The following PLCB4 variants were observed in gnomAD, a reference collection of about 807,000 sequenced individuals.
PLCB4 encodes the protein phospholipase C beta 4.
In PLCB4, 77 loss-of-function variants were observed where a neutral mutation model predicts 178.8. That is an observed-to-expected ratio of 0.43 (90% CI 0.36 to 0.52). The LOEUF (loss-of-function observed/expected upper bound fraction) is 0.52, where lower values mean the gene tolerates loss of function less well. PLCB4 is among the 20% of genes least tolerant of loss of function. The pLI is 0.00. For missense variants in PLCB4, 1,024 were observed against 1,453.4 expected (o/e 0.70, Z 4.80); for synonymous variants, 496 against 490.8 (o/e 1.01, Z -0.14).
At chr20:9,220,423 G>A (rs2093783871) in intron 3 of PLCB4, among the ~76,000 whole-genome samples, 1 of 152,174 alleles carries the variant, frequency 6.6e-6, no homozygotes, top group Non-Finnish European at 1.5e-5. Context: ...CCTGAAGTCA[G>A]GAGTTCAAGA....
intron 28 of PLCB4, among the ~76,000 whole-genome samples, chr20:9,431,468 A>AT (rs976395730): frequency 2.0e-5 from 3 of 151,728 alleles, no homozygotes; most frequent in African/African-American, 4.8e-5. Flanking sequence ...TTTAATTTTT[A>AT]TTTTTTATTC....
chr20:9,281,122 A>AC (rs2094491684), intron 3 of PLCB4, among the ~76,000 whole-genome samples: 1 of 151,974 alleles, frequency 6.6e-6, no homozygotes, highest in Admixed American at 6.6e-5. Context: ...TTAACAGTTA[A>AC]GTATACTAAC....
chr20:9,304,809 T>G (rs1478604710), intron 3 of PLCB4, among the ~76,000 whole-genome samples: 3 of 152,132 alleles, frequency 2.0e-5, no homozygotes, highest in African/African-American at 7.2e-5. Context: ...TTTTCTTTTT[T>G]TCTTAGCACG....
intron 7 of PLCB4, among the ~76,000 whole-genome samples, chr20:9,361,499 G>A (rs1419864042): frequency 6.6e-6 from 1 of 152,176 alleles, no homozygotes; most frequent in Non-Finnish European, 1.5e-5. Flanking sequence ...GAGATGGGGA[G>A]TTATTTAATG....
At chr20:9,218,798 CT>C (rs2093763365) in intron 3 of PLCB4, among the ~76,000 whole-genome samples, 1 of 152,134 alleles carries the variant, frequency 6.6e-6, no homozygotes, top group Non-Finnish European at 1.5e-5. Flanking sequence ...AGTGCGCTAT[CT>C]TTTACTACTC....
chr20:9,278,559 G>A (rs1218991064), intron 3 of PLCB4, among the ~76,000 whole-genome samples: 1 of 151,988 alleles, frequency 6.6e-6, no homozygotes, highest in Non-Finnish European at 1.5e-5. Flanking sequence ...ACTCCAGCGA[G>A]CTCTCTCATG....
At chr20:9,287,232 T>C (rs1427361744) in intron 3 of PLCB4, among the ~76,000 whole-genome samples, 1 of 152,050 alleles carries the variant, frequency 6.6e-6, no homozygotes, top group African/African-American at 2.4e-5. Context: ...CTCAGCTGCC[T>C]CAAGTACTGA....
chr20:9,211,528 C>T (rs1485247699), intron 2 of PLCB4, among the ~76,000 whole-genome samples: 3 of 152,194 alleles, frequency 2.0e-5, no homozygotes, highest in Non-Finnish European at 4.4e-5. Context: ...AAGCATTGTC[C>T]TACCCCACTA....
intron 25 of PLCB4, among the ~76,000 whole-genome samples, chr20:9,411,859 C>T (rs1352410831): frequency 4.6e-5 from 7 of 152,140 alleles, no homozygotes; most frequent in African/African-American, 1.7e-4. Flanking sequence ...AAAACTATCC[C>T]GTCATAATGA....
chr20:9,464,004 T>G (rs1415786086), intron 35 of PLCB4, among the ~76,000 whole-genome samples: 1 of 152,106 alleles, frequency 6.6e-6, no homozygotes, highest in Non-Finnish European at 1.5e-5. Context: ...TCACACTTAT[T>G]CTAAAATTGA....
rs118019270 is a variant in PLCB4, at chr20:9,140,993, C to T, written c.-79+44651C>T. Among the ~76,000 whole-genome samples the T allele has an allele frequency of 2.3e-3, 355 of 152,196 alleles. 2 individuals are homozygous for T. The highest frequency in any genetic ancestry group is 6.8e-3 in the Middle Eastern group (2 of 294). ...AAGGACATAGTTTATTGGGGACTGC[C>T]GCTCATCCCCATTGGTGATACCATG... On this transcript the variant is annotated intron_variant, in intron 2 of 39. Coordinates refer to ENST00000378473, the MANE Select transcript of PLCB4 (RefSeq NM_001377142.1).
At position 9,473,373 on chromosome 20, in the gene PLCB4, A is replaced by T. The variant is rs1322354581; in HGVS notation, c.3495+8A>T. ...GAGAAACAGAATGAGCAGGTATTTTACCTAAAATACGTAAAAACATGCAGG... is the reference window on the plus strand; with the variant it reads ...GAGAAACAGAATGAGCAGGTATTTTTCCTAAAATACGTAAAAACATGCAGG... On this transcript the variant is annotated splice_region_variant and intron_variant, in intron 38 of 39. Transcript: ENST00000378473. 6.5e-7 allele frequency: 1 copy of T among 1,534,444 alleles called. No individual in the cohort carries two copies. Among genetic ancestry groups the T allele is most frequent in the Non-Finnish European group, 9.0e-7 (1 of 1,115,834 alleles).
chr20:9,185,102 T>C (rs1355194140), intron 2 of PLCB4, among the ~76,000 whole-genome samples: 1 of 152,106 alleles, frequency 6.6e-6, no homozygotes, highest in Non-Finnish European at 1.5e-5. Context: ...GGGGTCTCAC[T>C]ATGTAGTGCA....
chr20:9,081,544 A>G (rs184835586), intron 1 of PLCB4, among the ~76,000 whole-genome samples: 3 of 152,246 alleles, frequency 2.0e-5, no homozygotes, highest in Admixed American at 6.5e-5. Flanking sequence ...ATCTTCCTGT[A>G]AAGCCTTCCT....
intron 1 of PLCB4, among the ~76,000 whole-genome samples, chr20:9,079,728 C>T (rs1267917244): frequency 3.9e-5 from 6 of 152,118 alleles, no homozygotes. Context: ...ACTGCATCTA[C>T]AGTGATTAAA....
chr20:9,143,293 T>C (rs1055816461), intron 2 of PLCB4, among the ~76,000 whole-genome samples: 2 of 152,182 alleles, frequency 1.3e-5, no homozygotes, highest in African/African-American at 4.8e-5. Flanking sequence ...CATGGACATC[T>C]TCAATGCCTA....
intron 2 of PLCB4, among the ~76,000 whole-genome samples, chr20:9,141,394 A>T (rs570006861): frequency 1.3e-5 from 2 of 152,280 alleles, no homozygotes; most frequent in East Asian, 3.9e-4. Flanking sequence ...CATGCTATTT[A>T]TCTAAAAAGA....
intron 2 of PLCB4, among the ~76,000 whole-genome samples, chr20:9,131,804 G>A (rs1395962766): frequency 6.6e-6 from 1 of 152,058 alleles, no homozygotes; most frequent in East Asian, 1.9e-4. Flanking sequence ...TGGTTGATGG[G>A]ACATTAGTAA....
intron 33 of PLCB4, among the ~76,000 whole-genome samples, chr20:9,455,992 T>G (rs1459428354): frequency 6.6e-6 from 1 of 152,138 alleles, no homozygotes; most frequent in African/African-American, 2.4e-5. Flanking sequence ...CATGCTGCCA[T>G]GCCGGCTAAT....
Sources: gnomAD v4.1 joint callset for allele counts (sites outside exome capture counted in the v4.1 genomes callset) on GRCh38, gnomAD v4.1.1 for gene constraint, MANE v1.5 for transcripts, NCBI Gene and HGNC (gene_info 2026-07-23, HGNC 2026-07-21) for gene names.